CHD1L: variants seen among roughly 807,000 people sequenced by gnomAD.
CHD1L encodes ATP-dependent chromatin remodeler CHD1L.
Under a neutral mutation model 115.9 loss-of-function variants are expected in CHD1L, and 118 were observed. That is an observed-to-expected ratio of 1.02 (90% CI 0.88 to 1.19). The LOEUF (loss-of-function observed/expected upper bound fraction) is 1.19. Ranked by LOEUF, CHD1L falls within the 50% of genes most tolerant of loss-of-function variation. CHD1L has a pLI of 0.00. For synonymous variants in CHD1L, 411 were observed against 387.1 expected, an observed-to-expected ratio of 1.06 and a Z score of -0.72; for missense variants, 1,179 against 1,065.3, an observed-to-expected ratio of 1.11 and a Z score of -1.49.
At chr1:147,180,300 T>A in the CHD1L span, among the ~76,000 whole-genome samples, 3 of 151,344 alleles carry the variant, frequency 2.0e-5, no homozygotes, top group Non-Finnish European at 4.4e-5. Context: ...TTGGTTTTTG[T>A]GTTTTTTTTT....
chr1:147,225,203 A>T, the CHD1L span: 1 of 1,438,508 alleles, frequency 7.0e-7, no homozygotes, highest in Non-Finnish European at 9.1e-7. Context: ...TCTTCACCAG[A>T]GGAAATCTTT....
In CHD1L at chr1:147,285,332, C is replaced by T. The variant is rs1553964639; in HGVS notation, c.1863C>T (p.Ile621=). 8.7e-6 allele frequency: 14 copies of T among 1,612,038 alleles called. No individual in the cohort carries two copies. Among genetic ancestry groups the T allele is most frequent in the Non-Finnish European group, 1.0e-5 (12 of 1,179,400 alleles). ...RSLRNKGSVL[I]PGLVEGSTKR... The stretch of plus-strand genomic sequence containing the variant: ...TCTTGTTCTTCCTCTAGGTTCTCAT[C>T]CCAGGCCTTGTGGAGGGATCTACCA... The change falls in exon 17 of 23, where the codon ATC becomes ATT. Residue 621 remains isoleucine (I), a synonymous_variant. Coordinates refer to ENST00000369258, the MANE Select transcript of CHD1L (RefSeq NM_004284.6).
At chr1:147,179,801 T>C in the CHD1L span, among the ~76,000 whole-genome samples, 2 of 152,126 alleles carry the variant, frequency 1.3e-5, no homozygotes, top group African/African-American at 4.8e-5. Flanking sequence ...TGCACTGTTA[T>C]GGAAATACCA....
At chr1:147,179,031 C>T in the CHD1L span, 3 of 1,613,738 alleles carry the variant, frequency 1.9e-6, no homozygotes, top group Admixed American at 3.3e-5. Flanking sequence ...GCCGCAAAAC[C>T]TTTAGCCATG....
At chr1:147,285,986 C>T (rs1033832239) in intron 17 of CHD1L, among the ~76,000 whole-genome samples, 7 of 152,142 alleles carry the variant, frequency 4.6e-5, no homozygotes, top group Admixed American at 1.3e-4. Flanking sequence ...CGTGAGCTAC[C>T]ATGCCCGGCC....
intron 18 of CHD1L, 31 bp from the exon 19 acceptor site, chr1:147,287,604 A>G (rs1553966949): frequency 6.4e-6 from 10 of 1,552,158 alleles, no homozygotes; most frequent in South Asian, 1.1e-5. Flanking sequence ...TTCACCTCCT[A>G]TAGATGAAAA....
the CHD1L span, chr1:147,203,256 G>A: frequency 1.4e-6 from 2 of 1,439,368 alleles, no homozygotes; most frequent in East Asian, 4.5e-5. Flanking sequence ...TTCACCTACA[G>A]TAAAAATTAA....
intron 1 of CHD1L, among the ~76,000 whole-genome samples, chr1:147,251,089 G>C (rs587741418): frequency 5.9e-5 from 9 of 152,274 alleles, no homozygotes; most frequent in Non-Finnish European, 1.2e-4. Context: ...GGAATTGTGA[G>C]TCAATTAAAC....
At chr1:147,245,884 C>T (rs113561809) in intron 1 of CHD1L, among the ~76,000 whole-genome samples, 1,966 of 152,104 alleles carry the variant, frequency 0.013, 42 homozygotes, top group African/African-American at 0.045. Flanking sequence ...CCCAGTTTCC[C>T]CTCGTGGTCA....
At chr1:147,229,142 G>A in the CHD1L span, among the ~76,000 whole-genome samples, 1 of 152,038 alleles carries the variant, frequency 6.6e-6, no homozygotes, top group Non-Finnish European at 1.5e-5. Context: ...TATGGTTTTA[G>A]GTCTAACATG....
intron 1 of CHD1L, among the ~76,000 whole-genome samples, chr1:147,244,116 T>G (rs1250925155): frequency 1.3e-5 from 2 of 152,244 alleles, no homozygotes; most frequent in Non-Finnish European, 2.9e-5. Context: ...TGGGTTTGCC[T>G]ATTTCCTTGC....
chr1:147,220,792 A>G, the CHD1L span, among the ~76,000 whole-genome samples: 1 of 152,190 alleles, frequency 6.6e-6, no homozygotes, highest in Non-Finnish European at 1.5e-5. Flanking sequence ...TCCTTGTAAC[A>G]AACTTTCATA....
chr1:147,203,189 T>G, the CHD1L span: 3 of 691,978 alleles, frequency 4.3e-6, no homozygotes, highest in African/African-American at 5.4e-5. Context: ...TACCTCTTAA[T>G]GTAAGGAGAA....
At position 147,276,146 on chromosome 1, in the gene CHD1L, A is replaced by G; in HGVS notation, c.1428A>G (p.Glu476=). 2 of 1,614,188 alleles carry G rather than the reference A, an allele frequency of 1.2e-6. No homozygotes were observed. The highest frequency in any genetic ancestry group is 8.5e-7 in the Non-Finnish European group (1 of 1,180,024). Residue 476 remains glutamate (E), a synonymous_variant, in exon 14 of 23, where the codon GAA becomes GAG. Transcript: ENST00000369258. ...GGCTGATTGGTCGAGACACTGTGGA[A>G]GAAATAGTCTATAGGAAAGCAGCCT... is the stretch of plus-strand genomic sequence containing the variant. ...VIRLIGRDTV[E]EIVYRKAASK...
chr1:147,292,548 T>C (rs1489358478), intron 20 of CHD1L, among the ~76,000 whole-genome samples: 7 of 152,162 alleles, frequency 4.6e-5, no homozygotes, highest in Non-Finnish European at 1.0e-4. Context: ...ATAAAAGAAT[T>C]CCCTGAGACT....
the CHD1L span, chr1:147,211,270 A>T: frequency 6.6e-6 from 1 of 152,212 alleles, no homozygotes; most frequent in Non-Finnish European, 1.5e-5. Flanking sequence ...GATATTAAAG[A>T]TGGCTCTCGC....
At chr1:147,248,244 G>A (rs587714935) in intron 1 of CHD1L, among the ~76,000 whole-genome samples, 49 of 147,544 alleles carry the variant, frequency 3.3e-4, no homozygotes, top group African/African-American at 1.1e-3. Context: ...TTTCGCTCTT[G>A]TTGCCCAGGC....
intron 5 of CHD1L, among the ~76,000 whole-genome samples, chr1:147,257,849 C>G (rs1424619515): frequency 2.0e-5 from 3 of 152,154 alleles, no homozygotes; most frequent in Non-Finnish European, 4.4e-5. Flanking sequence ...TTTAAGAGAA[C>G]TTCTCAAAAT....
chr1:147,284,324 TTC>T lies in CHD1L; in HGVS notation c.1706-21_1706-20del, dbSNP rs782614170. On this transcript the variant is annotated intron_variant, in intron 15 of 22. Transcript: ENST00000369258. Reference sequence around the variant, plus strand: ...TCTATTTTTCCTTGGTATCTAACATTTCTCTCTTTGTGTTTTATGTTGTTAGA... The same window carrying T: ...TCTATTTTTCCTTGGTATCTAACATTTCTCTTTGTGTTTTATGTTGTTAGA... 1.3e-5 allele frequency: 19 copies of T among 1,518,036 alleles called. No individual in the cohort carries two copies. In the Admixed American group the frequency reaches 1.3e-4, roughly 10 times the overall value. 94.0% of individuals were successfully genotyped at this position (1,518,036 alleles called of 1,614,324 possible).
Sources: gnomAD v4.1 joint callset for allele counts (sites outside exome capture counted in the v4.1 genomes callset) on GRCh38, gnomAD v4.1.1 for gene constraint, MANE v1.5 for transcripts, NCBI Gene and HGNC (gene_info 2026-07-23, HGNC 2026-07-21) for gene names.